The following ZDHHC8 variants were observed in gnomAD, a reference collection of about 807,000 sequenced individuals.
ZDHHC8 encodes the protein palmitoyltransferase ZDHHC8.
A neutral mutation model predicts 61.2 loss-of-function variants in ZDHHC8; 24 were observed. That is an observed-to-expected ratio of 0.39 (90% CI 0.28 to 0.55). The LOEUF (loss-of-function observed/expected upper bound fraction) is 0.55. Among genes scored for constraint, ZDHHC8 ranks in the 20% least tolerant of loss-of-function variants. The pLI is 0.60. For missense variants in ZDHHC8, 935 were observed against 1,102.1 expected (o/e 0.85, Z 2.15); for synonymous variants, 523 against 492.5 (o/e 1.06, Z -0.82).
rs1246728627 is a variant in ZDHHC8, at chr22:20,145,458, C to A, written c.*58C>A. ...CGGGGACCAGGACCCCACAGCGCACCCCCCCTCCCCACCAACTTCTCTGCC... is the reference window on the plus strand; with the variant it reads ...CGGGGACCAGGACCCCACAGCGCACACCCCCTCCCCACCAACTTCTCTGCC... On this transcript the variant is annotated 3_prime_UTR_variant, in exon 11 of 11. Transcript: ENST00000334554. 1 of 1,316,994 alleles carries A rather than the reference C, an allele frequency of 7.6e-7. No homozygotes were observed. The highest frequency in any genetic ancestry group is 1.8e-5 in the South Asian group (1 of 54,320). 81.6% of individuals were successfully genotyped at this position (1,316,994 alleles called of 1,614,324 possible).
intron 1 of ZDHHC8, among the ~76,000 whole-genome samples, chr22:20,133,688 C>T (rs113514212): frequency 0.014 from 2,093 of 147,318 alleles, 42 homozygotes; most frequent in African/African-American, 0.049. Context: ...CACCACTGCA[C>T]TCCAGCCTGG....
Position 20,145,814 on chromosome 22 carries a change from C to G in ZDHHC8, c.*414C>G. 1.0e-6 allele frequency: 1 copy of G among 988,430 alleles called. No individual in the cohort carries two copies. Among genetic ancestry groups the G allele is most frequent in the Non-Finnish European group, 1.2e-6 (1 of 831,994 alleles). The allele number at this position is 988,430 out of a possible 1,614,324, so 61.2% of individuals were successfully genotyped here. ...CAGAGATGGACAGAGGCACCCAGGG[C>G]CCCCACCGTCCTTCTGACACAGCCT... On this transcript the variant is annotated 3_prime_UTR_variant, in exon 11 of 11. Coordinates refer to ENST00000334554, the MANE Select transcript of ZDHHC8 (RefSeq NM_013373.4).
chr22:20,132,070 TGGG>T lies in ZDHHC8; in HGVS notation c.104+22_104+24del. 1 of 1,264,138 alleles carries T rather than the reference TGGG, an allele frequency of 7.9e-7. No individual in the cohort carries two copies. The highest frequency in any genetic ancestry group is 1.0e-6 in the Non-Finnish European group (1 of 985,558). The allele number at this position is 1,264,138 out of a possible 1,614,324, so 78.3% of individuals were successfully genotyped here. Reference sequence around the variant, plus strand: ...TGTTCACGTGAGTCGGCGCCGCGTCTGGGGGCACGCGGGCAGCGATGGGCAGGG... The same window carrying T: ...TGTTCACGTGAGTCGGCGCCGCGTCTGGCACGCGGGCAGCGATGGGCAGGG... On this transcript the variant is annotated intron_variant, in intron 1 of 10. Transcript: ENST00000334554.
chr22:20,141,596 C>T (rs1262271932), intron 9 of ZDHHC8, 66 bp downstream of exon 9: 7 of 1,364,374 alleles, frequency 5.1e-6, no homozygotes, highest in East Asian at 2.4e-5. Context: ...GAGCTCGCCC[C>T]ACAGCCTTCA....
In ZDHHC8 at chr22:20,138,396, C is replaced by T. The variant is rs201889887; in HGVS notation, c.105-798C>T. Among the ~76,000 whole-genome samples, 28 of 152,326 alleles carry T rather than the reference C, an allele frequency of 1.8e-4. No individual in the cohort carries two copies. The East Asian group carries it at 5.4e-3, about 29-fold the overall frequency. On this transcript the variant is annotated intron_variant, in intron 1 of 10. Coordinates refer to ENST00000334554, the MANE Select transcript of ZDHHC8 (RefSeq NM_013373.4). Reference sequence around the variant, plus strand: ...GGAACCCGCTGCAGGCCGTGTGGCCCGAGGACCGGCAAGTCTCTTCAGAGG... The same window carrying T: ...GGAACCCGCTGCAGGCCGTGTGGCCTGAGGACCGGCAAGTCTCTTCAGAGG...
Position 20,146,289 on chromosome 22 carries a change from G to C in ZDHHC8, c.*889G>C, listed in dbSNP as rs1275064805. ...ACGTCCGCAGCCCCGGCCTGGCTGC[G>C]GTGCTCGCGCCGTGGGAAAGCACAC... On this transcript the variant is annotated 3_prime_UTR_variant, in exon 11 of 11. Transcript: ENST00000334554. 1 of 985,580 alleles carries C rather than the reference G, an allele frequency of 1.0e-6. No homozygotes were observed. Among genetic ancestry groups the C allele is most frequent in the Non-Finnish European group, 1.2e-6 (1 of 829,936 alleles). The allele number at this position is 985,580 out of a possible 1,614,324, so 61.1% of individuals were successfully genotyped here.
rs2050497017 is a variant in ZDHHC8, at chr22:20,143,694, C to G, written c.2064C>G (p.Pro688=). Residue 688 remains proline (P), a synonymous_variant, in exon 10 of 11, where the codon CCC becomes CCG. Transcript: ENST00000334554. The part of the protein sequence containing the change: ...GTPHSPSYAG[P]KAVAFIHTDL... ...CCCACTCACCATCCTACGCGGGCCC[C>G]AAAGCTGTCGCCTTCATCCACACGG... 4 of 1,610,488 alleles carry G rather than the reference C, an allele frequency of 2.5e-6. No individual in the cohort carries two copies. The East Asian group carries it at 6.7e-5, about 27-fold the overall frequency.
At chr22:20,133,456 C>T (rs151120156) in intron 1 of ZDHHC8, among the ~76,000 whole-genome samples, 6,423 of 152,194 alleles carry the variant, frequency 0.042, 180 homozygotes, top group South Asian at 0.095. Flanking sequence ...GGGCCGGGCG[C>T]GGTGGCTCAT....
At chr22:20,145,139 G>T in intron 10 of ZDHHC8, 90 bp from the exon 11 acceptor site, 1 of 1,220,818 alleles carries the variant, frequency 8.2e-7, no homozygotes, top group Non-Finnish European at 1.1e-6. Flanking sequence ...CCACGTCCGC[G>T]TCGTCTCTGT....
At position 20,132,014 on chromosome 22, in the gene ZDHHC8, C is replaced by T. The variant is rs1421667300; in HGVS notation, c.67C>T (p.Leu23=). The T allele has an allele frequency of 1.4e-6, 2 of 1,392,016 alleles. No homozygotes were observed. The highest frequency in any genetic ancestry group is 1.5e-5 in the African/African-American group (1 of 66,454). The allele number at this position is 1,392,016 out of a possible 1,614,324, so 86.2% of individuals were successfully genotyped here. The change falls in exon 1 of 11, where the codon CTG becomes TTG. Residue 23 remains leucine (L), a synonymous_variant. Transcript: ENST00000334554. ...KYIPVATAAA[L]LVGSSTLFFV... ...CATCCCGGTGGCCACGGCCGCCGCG[C>T]TGCTGGTCGGCTCCAGCACCCTCTT...
In ZDHHC8 at chr22:20,146,503, C is replaced by T. The variant is rs1024121239; in HGVS notation, c.*1103C>T. ...GGCCAGGGCTATTGCTGCAGGATCC[C>T]GAGTTAGGGGAGGGCAGGGGCCGGG... On this transcript the variant is annotated 3_prime_UTR_variant, in exon 11 of 11. Transcript: ENST00000334554. The T allele has an allele frequency of 2.5e-5, 25 of 987,948 alleles. No homozygotes were observed. Among genetic ancestry groups the T allele is most frequent in the African/African-American group, 1.6e-4 (9 of 57,308 alleles). 61.2% of individuals were successfully genotyped at this position (987,948 alleles called of 1,614,324 possible). A position where few individuals can be genotyped will look rare whatever the true frequency, so the allele number is the denominator to read the frequency against.
chr22:20,131,974 CA>C lies in ZDHHC8; in HGVS notation c.30del (p.Lys10AsnfsTer30). 2 of 1,342,186 alleles carry C rather than the reference CA, an allele frequency of 1.5e-6. No homozygotes were observed. The highest frequency in any genetic ancestry group is 1.9e-6 in the Non-Finnish European group (2 of 1,029,430). The allele number at this position is 1,342,186 out of a possible 1,614,324, so 83.1% of individuals were successfully genotyped here. A position where few individuals can be genotyped will look rare whatever the true frequency, so the allele number is the denominator to read the frequency against. On this transcript the variant is annotated frameshift_variant, in exon 1 of 11. Transcript: ENST00000334554. LOFTEE classifies it high-confidence loss of function. ...TGCCCCGCAGCCCCGGGACGCGCCTCAAACCCGCCAAGTACATCCCGGTGGC... is the reference window on the plus strand; with the variant it reads ...TGCCCCGCAGCCCCGGGACGCGCCTCAACCCGCCAAGTACATCCCGGTGGC... The part of the protein sequence containing the change: MPRSPGTRL[K>X]PAKYIPVATA...
chr22:20,145,588 T>C lies in ZDHHC8; in HGVS notation c.*188T>C. On this transcript the variant is annotated 3_prime_UTR_variant, in exon 11 of 11. Coordinates refer to ENST00000334554, the MANE Select transcript of ZDHHC8 (RefSeq NM_013373.4). The stretch of plus-strand genomic sequence containing the variant: ...CGCTCTGCCTGCCCGTCCACTCATC[T>C]GCCCATGGGGAAGTCGGCTCACTGG... 1 of 1,259,454 alleles carries C rather than the reference T, an allele frequency of 7.9e-7. No individual in the cohort carries two copies. Among genetic ancestry groups the C allele is most frequent in the South Asian group, 2.6e-5 (1 of 38,550 alleles). 78.0% of individuals were successfully genotyped at this position (1,259,454 alleles called of 1,614,324 possible).
At chr22:20,140,247 C>G in intron 5 of ZDHHC8, 30 bp downstream of exon 5, 1 of 1,597,582 alleles carries the variant, frequency 6.3e-7, no homozygotes. Flanking sequence ...TGGGTGGCCC[C>G]AAAGGGCCGA....
At chr22:20,133,358 C>T (rs2050394177) in intron 1 of ZDHHC8, among the ~76,000 whole-genome samples, 1 of 152,198 alleles carries the variant, frequency 6.6e-6, no homozygotes, top group South Asian at 2.1e-4. Flanking sequence ...TCCCCAGGGC[C>T]TCTGTCCTTG....
Position 20,140,656 on chromosome 22 carries a change from C to A in ZDHHC8, c.700C>A (p.Arg234=), listed in dbSNP as rs1330047106. ...CCGCGGGGGTGTGAACCCTTTCACC[C>A]GAGGCTGCTGTGGGAATGTGGAGCA... is the stretch of plus-strand genomic sequence containing the variant. The part of the protein sequence containing the change: ...KFRGGVNPFT[R]GCCGNVEHVL... The change falls in exon 6 of 11, where the codon CGA becomes AGA. Residue 234 remains arginine, a synonymous_variant. Coordinates refer to ENST00000334554, the MANE Select transcript of ZDHHC8 (RefSeq NM_013373.4). The A allele has an allele frequency of 9.3e-6, 15 of 1,611,746 alleles. No homozygotes were observed. The East Asian group carries it at 3.3e-4, about 36-fold the overall frequency.
At position 20,142,141 on chromosome 22, in the gene ZDHHC8, C is replaced by G. The variant is rs2050476105; in HGVS notation, c.1125+611C>G. On this transcript the variant is annotated intron_variant, in intron 9 of 10. Transcript: ENST00000334554. ...CCTAGACCAGCCCCATCCCCAGGGA[C>G]CTCTCCCCTCAGGACTGATGTCTTT... Among the ~76,000 whole-genome samples the G allele has an allele frequency of 3.9e-5, 6 of 152,150 alleles. No individual in the cohort carries two copies. In the South Asian group the frequency reaches 1.0e-3, roughly 26 times the overall value.
intron 5 of ZDHHC8, 128 bp downstream of exon 5, chr22:20,140,345 A>G: frequency 1.0e-6 from 1 of 999,946 alleles, no homozygotes; most frequent in Non-Finnish European, 1.5e-6. Flanking sequence ...CGAGGCTCCA[A>G]CTCTGAGACC....
Position 20,147,194 on chromosome 22 carries a change from C to A in ZDHHC8, c.*1794C>A. On this transcript the variant is annotated 3_prime_UTR_variant, in exon 11 of 11. Coordinates refer to ENST00000334554, the MANE Select transcript of ZDHHC8 (RefSeq NM_013373.4). ...GGGGCCATGTGCCGCCTGCACTTGG[C>A]TGCCTCCAGTCTTTTCCCCAGCCTC... 1 of 1,511,322 alleles carries A rather than the reference C, an allele frequency of 6.6e-7. No homozygotes were observed. Among genetic ancestry groups the A allele is most frequent in the Non-Finnish European group, 8.9e-7 (1 of 1,128,220 alleles). The allele number at this position is 1,511,322 out of a possible 1,614,324, so 93.6% of individuals were successfully genotyped here.
Sources: allele counts gnomAD v4.1 joint callset (sites outside exome capture counted in the v4.1 genomes callset), GRCh38; gene constraint gnomAD v4.1.1; transcripts MANE v1.5; gene names NCBI Gene and HGNC (gene_info 2026-07-23, HGNC 2026-07-21).